Variants in PTPRG observed in about 807,000 individuals in gnomAD.
The protein encoded by PTPRG is protein tyrosine phosphatase receptor type G.
Under a neutral mutation model 165.3 loss-of-function variants are expected in PTPRG, and 102 were observed. The observed-to-expected ratio is 0.62, with a 90% CI of 0.53 to 0.73. PTPRG has a LOEUF of 0.73. Ranked by LOEUF, PTPRG falls within the 30% of genes least tolerant of loss-of-function variation. The probability of loss-of-function intolerance (pLI) is 0.00; values close to 1 mark genes in which losing one functional copy is unlikely to be tolerated. For missense variants in PTPRG, 1,866 were observed against 1,861.4 expected (o/e 1.00, Z -0.05); for synonymous variants, 675 against 669.5 (o/e 1.01, Z -0.13).
chr3:61,621,033 GTATATA>G (rs368012442), intron 1 of PTPRG, among the ~76,000 whole-genome samples: 1 of 129,982 alleles, frequency 7.7e-6, no homozygotes, highest in African/African-American at 2.8e-5. Context: ...GTGTGTGTGT[GTATATA>G]TATATATATA....
chr3:61,633,593 C>G (rs1339582695), intron 1 of PTPRG, among the ~76,000 whole-genome samples: 3 of 152,042 alleles, frequency 2.0e-5, no homozygotes, highest in African/African-American at 7.2e-5. Flanking sequence ...TTTGTGGATT[C>G]CTTAAGATTT....
chr3:62,295,923 A>G lies in PTPRG; in HGVS notation c.*2616A>G, dbSNP rs1703045911. ...TCTTTGAGACATAAGCACATTGCTT[A>G]AGTACATAACAAGGTTATTAACACT... On this transcript the variant is annotated 3_prime_UTR_variant, in exon 30 of 30. Transcript: ENST00000474889. 1 of 152,150 alleles carries G rather than the reference A, an allele frequency of 6.6e-6. No homozygotes were observed. Among genetic ancestry groups the G allele is most frequent in the South Asian group, 2.1e-4 (1 of 4,836 alleles). The allele number at this position is 152,150 out of a possible 1,614,324, so 9.4% of individuals were successfully genotyped here. A position where few individuals can be genotyped will look rare whatever the true frequency, so the allele number is the denominator to read the frequency against.
At chr3:62,282,625 G>C (rs1385999578) in intron 27 of PTPRG, 102 bp from the exon 28 acceptor site, 3 of 1,155,322 alleles carry the variant, frequency 2.6e-6, no homozygotes, top group African/African-American at 3.2e-5. Flanking sequence ...ATTGTTGAGA[G>C]TTACCTATAA....
chr3:61,906,203 C>A (rs1322742577), intron 2 of PTPRG, among the ~76,000 whole-genome samples: 1 of 150,690 alleles, frequency 6.6e-6, no homozygotes, highest in Non-Finnish European at 1.5e-5. Context: ...ACCTGTAATC[C>A]CAGCACTTTG....
intron 1 of PTPRG, among the ~76,000 whole-genome samples, chr3:61,661,320 CTTT>C (rs61114806): frequency 6.7e-5 from 10 of 149,760 alleles, no homozygotes; most frequent in South Asian, 2.1e-4. Context: ...TAAAAGTTTC[CTTT>C]TTTTTTTTTA....
chr3:62,163,894 G>C (rs1704864538), intron 7 of PTPRG, among the ~76,000 whole-genome samples: 2 of 152,238 alleles, frequency 1.3e-5, no homozygotes, highest in African/African-American at 4.8e-5. Context: ...TTAAAAACAG[G>C]ATTTTGTACC....
intron 1 of PTPRG, among the ~76,000 whole-genome samples, chr3:61,606,348 G>A (rs575735275): frequency 7.2e-5 from 11 of 152,142 alleles, no homozygotes; most frequent in East Asian, 1.9e-4. Context: ...GTGGGGGTGC[G>A]GGGTGTCAGG....
intron 3 of PTPRG, among the ~76,000 whole-genome samples, chr3:61,992,406 T>C (rs901649441): frequency 2.0e-5 from 3 of 152,220 alleles, no homozygotes; most frequent in Non-Finnish European, 2.9e-5. Context: ...TTGCCCGGGC[T>C]GGAGTTCAGT....
At chr3:61,961,185 A>T (rs148680735) in intron 2 of PTPRG, among the ~76,000 whole-genome samples, 1 of 152,312 alleles carries the variant, frequency 6.6e-6, no homozygotes, top group Non-Finnish European at 1.5e-5. Context: ...AGGAGGGGCC[A>T]GGAAGGGGAA....
chr3:61,788,592 T>C (rs1471727390), intron 2 of PTPRG, among the ~76,000 whole-genome samples: 1 of 152,228 alleles, frequency 6.6e-6, no homozygotes, highest in East Asian at 1.9e-4. Context: ...CAGTTTGAGA[T>C]TGTTGAAAAT....
chr3:61,767,762 A>G (rs1217885981), intron 2 of PTPRG, among the ~76,000 whole-genome samples: 1 of 152,056 alleles, frequency 6.6e-6, no homozygotes, highest in African/African-American at 2.4e-5. Context: ...TGAGCCCAGG[A>G]GTTCAAGACC....
chr3:62,082,029 C>G (rs1701600035), intron 5 of PTPRG, among the ~76,000 whole-genome samples: 1 of 152,156 alleles, frequency 6.6e-6, no homozygotes. Context: ...TTGAACTCCT[C>G]TACTTGTAAA....
At chr3:61,712,136 C>T (rs953306837) in intron 1 of PTPRG, among the ~76,000 whole-genome samples, 5 of 152,058 alleles carry the variant, frequency 3.3e-5, no homozygotes, top group African/African-American at 1.2e-4. Context: ...TTAGGTGACC[C>T]GCCTGCCTTG....
chr3:61,821,316 C>A (rs1314591568), intron 2 of PTPRG, among the ~76,000 whole-genome samples: 1 of 152,052 alleles, frequency 6.6e-6, no homozygotes, highest in Non-Finnish European at 1.5e-5. Context: ...ACTACAGGCG[C>A]CTGCCACCTC....
chr3:62,218,788 A>G, intron 12 of PTPRG, 63 bp from the exon 13 acceptor site: 1 of 1,546,156 alleles, frequency 6.5e-7, no homozygotes, highest in South Asian at 1.2e-5. Flanking sequence ...AGAACTCTGC[A>G]TCAATTCTGG....
intron 1 of PTPRG, among the ~76,000 whole-genome samples, chr3:61,572,495 G>T (rs1021145530): frequency 1.3e-5 from 2 of 152,158 alleles, no homozygotes; most frequent in Non-Finnish European, 2.9e-5. Context: ...GAATTCTACA[G>T]ATGTTCTTTT....
intron 7 of PTPRG, among the ~76,000 whole-genome samples, chr3:62,160,256 A>G (rs1295560202): frequency 2.0e-5 from 3 of 152,244 alleles, no homozygotes. Context: ...TTCAGAGTAC[A>G]TACAGGCAAA....
chr3:61,873,934 G>A (rs2107451647), intron 2 of PTPRG, among the ~76,000 whole-genome samples: 1 of 152,302 alleles, frequency 6.6e-6, no homozygotes, highest in Admixed American at 6.5e-5. Context: ...CAGTAGAGCA[G>A]TGAGGATTGA....
In PTPRG at chr3:62,243,846, C is replaced by T. The variant is rs1174258586; in HGVS notation, c.2415C>T (p.Ser805=). 1.3e-6 allele frequency: 2 copies of T among 1,596,632 alleles called. No homozygotes were observed. Among genetic ancestry groups the T allele is most frequent in the Admixed American group, 1.7e-5 (1 of 59,798 alleles). Residue 805 remains serine (S), a synonymous_variant, in exon 15 of 30, where the codon AGC becomes AGT. Coordinates refer to ENST00000474889, the MANE Select transcript of PTPRG (RefSeq NM_002841.4). ...FQTAHFYVED[S]SSPRVVPNES... is the part of the protein sequence containing the mutation. ...CTGCTCATTTCTATGTGGAAGACAG[C>T]AGTTCACCTCGAGTGGTCCCTAATG...
Sources: gnomAD v4.1 joint callset for allele counts (sites outside exome capture counted in the v4.1 genomes callset) on GRCh38, gnomAD v4.1.1 for gene constraint, MANE v1.5 for transcripts, NCBI Gene and HGNC (gene_info 2026-07-23, HGNC 2026-07-21) for gene names.